The following ZNF782 variants were observed in gnomAD, a reference collection of about 807,000 sequenced individuals.
ZNF782 encodes the protein zinc finger protein 782.
In ZNF782, 12 loss-of-function variants were observed where a neutral mutation model predicts 13.0. The ratio of observed to expected loss-of-function variants is 0.92; its 90% CI spans 0.59 to 1.50. The LOEUF (loss-of-function observed/expected upper bound fraction) is 1.50, where lower values mean the gene tolerates loss of function less well. Ranked by LOEUF, ZNF782 falls within the 40% of genes most tolerant of loss-of-function variation. ZNF782 has a pLI of 0.00. For synonymous variants in ZNF782, 284 were observed against 283.0 expected (o/e 1.00, Z -0.04); for missense variants, 770 against 822.9 (o/e 0.94, Z 0.79).
chr9:96,827,803 A>C (rs1850675325), intron 4 of ZNF782, among the ~76,000 whole-genome samples: 1 of 152,252 alleles, frequency 6.6e-6, no homozygotes, highest in Non-Finnish European at 1.5e-5. Context: ...AATATAAAAA[A>C]TGGTAATTAG....
At chr9:96,900,800 C>T in the ZNF782 span, among the ~76,000 whole-genome samples, 19 of 152,006 alleles carry the variant, frequency 1.2e-4, no homozygotes, top group African/African-American at 4.6e-4. Flanking sequence ...ATACAAGCAT[C>T]TTTTCACCCA....
chr9:96,902,200 G>A, the ZNF782 span, among the ~76,000 whole-genome samples: 370 of 151,942 alleles, frequency 2.4e-3, 2 homozygotes, highest in African/African-American at 7.8e-3. Flanking sequence ...TTGGGAGGCC[G>A]AGGCAGGCGG....
intron 5 of ZNF782, among the ~76,000 whole-genome samples, chr9:96,821,034 A>C (rs1850400918): frequency 6.6e-6 from 1 of 152,230 alleles, no homozygotes; most frequent in Non-Finnish European, 1.5e-5. Flanking sequence ...TGGACTTAGA[A>C]ACTTTACACA....
chr9:96,913,359 C>G, the ZNF782 span, among the ~76,000 whole-genome samples: 1 of 151,790 alleles, frequency 6.6e-6, no homozygotes, highest in Non-Finnish European at 1.5e-5. Context: ...TAGTTCAGAC[C>G]TTCCCCTAAC....
chr9:96,824,919 TG>T (rs1850562825), intron 5 of ZNF782, among the ~76,000 whole-genome samples: 1 of 151,512 alleles, frequency 6.6e-6, no homozygotes, highest in Admixed American at 6.6e-5. Flanking sequence ...TACAAACAAA[TG>T]GAAGAACATT....
the ZNF782 span, among the ~76,000 whole-genome samples, chr9:96,883,833 T>A: frequency 6.6e-6 from 1 of 152,206 alleles, no homozygotes; most frequent in East Asian, 1.9e-4. Context: ...GTTGATGAAC[T>A]GCAGGGTGAT....
At chr9:96,924,879 C>A in the ZNF782 span, among the ~76,000 whole-genome samples, 1 of 152,238 alleles carries the variant, frequency 6.6e-6, no homozygotes, top group African/African-American at 2.4e-5. Context: ...AGGAGCGCGG[C>A]CTGGGCGTCC....
chr9:96,929,247 T>C, the ZNF782 span, among the ~76,000 whole-genome samples: 1 of 152,098 alleles, frequency 6.6e-6, no homozygotes, highest in Non-Finnish European at 1.5e-5. Flanking sequence ...CCAAGATGCC[T>C]GGGGGAATAC....
At chr9:96,833,884 T>C (rs1354485817) in intron 4 of ZNF782, among the ~76,000 whole-genome samples, 4 of 152,194 alleles carry the variant, frequency 2.6e-5, no homozygotes, top group African/African-American at 9.6e-5. Context: ...ACCAATACTA[T>C]GTTGTTTATT....
intron 4 of ZNF782, among the ~76,000 whole-genome samples, chr9:96,831,657 G>A (rs571049730): frequency 6.6e-6 from 1 of 151,032 alleles, no homozygotes; most frequent in Admixed American, 6.6e-5. Flanking sequence ...AGGTTGCAGT[G>A]AGCTGAGATA....
At chr9:96,828,234 C>T (rs1201168903) in intron 4 of ZNF782, among the ~76,000 whole-genome samples, 1 of 152,060 alleles carries the variant, frequency 6.6e-6, no homozygotes, top group Non-Finnish European at 1.5e-5. Flanking sequence ...AATTAATGAC[C>T]AACAGGGTAG....
At chr9:96,902,566 TA>T in the ZNF782 span, among the ~76,000 whole-genome samples, 1 of 133,948 alleles carries the variant, frequency 7.5e-6, no homozygotes, top group South Asian at 2.4e-4. Context: ...TGTCTTCTGT[TA>T]AGGCAGAAAA....
chr9:96,820,495 A>G, intron 5 of ZNF782, among the ~76,000 whole-genome samples: 1 of 151,512 alleles, frequency 6.6e-6, no homozygotes, highest in Non-Finnish European at 1.5e-5. Flanking sequence ...GCTCTGCCCT[A>G]GCTCTGGTGA....
At chr9:96,847,571 T>C (rs1851377111) in intron 3 of ZNF782, among the ~76,000 whole-genome samples, 1 of 151,982 alleles carries the variant, frequency 6.6e-6, no homozygotes, top group South Asian at 2.1e-4. Flanking sequence ...CTGGAGGAAA[T>C]GGATAAATTC....
chr9:96,898,277 C>T, the ZNF782 span: 2 of 148,838 alleles, frequency 1.3e-5, no homozygotes, highest in African/African-American at 5.1e-5. Flanking sequence ...GAGACCAAAC[C>T]CCGTACCCAT....
At chr9:96,893,980 A>T in the ZNF782 span, 3 of 133,200 alleles carry the variant, frequency 2.3e-5, no homozygotes, top group Non-Finnish European at 4.5e-5. Context: ...AGCCTGGGTG[A>T]CAGAGCGAGA....
At chr9:96,902,119 A>G in the ZNF782 span, among the ~76,000 whole-genome samples, 1 of 151,990 alleles carries the variant, frequency 6.6e-6, no homozygotes, top group East Asian at 1.9e-4. Context: ...AGAACGGTCT[A>G]TGAGGTCAAA....
the ZNF782 span, among the ~76,000 whole-genome samples, chr9:96,884,101 C>T: frequency 3.9e-5 from 6 of 152,236 alleles, no homozygotes; most frequent in Admixed American, 1.3e-4. Context: ...CTCTGATTTC[C>T]CAATCTGGTG....
chr9:96,932,161 C>T, the ZNF782 span: 3 of 1,612,186 alleles, frequency 1.9e-6, no homozygotes, highest in Non-Finnish European at 2.5e-6. Flanking sequence ...GAGGCTGGTC[C>T]CATGGCCTTC....
Sources: allele counts gnomAD v4.1 joint callset (sites outside exome capture counted in the v4.1 genomes callset), GRCh38; gene constraint gnomAD v4.1.1; transcripts MANE v1.5; gene names NCBI Gene and HGNC (gene_info 2026-07-23, HGNC 2026-07-21).